Variants in ZFPM2 observed in about 807,000 individuals in gnomAD.
ZFPM2 encodes zinc finger protein ZFPM2.
ZFPM2 carries 20 observed loss-of-function variants against 98.6 expected under a neutral mutation model. The observed-to-expected ratio is 0.20, with a 90% CI of 0.14 to 0.29. The LOEUF (loss-of-function observed/expected upper bound fraction) is 0.29, where lower values mean the gene tolerates loss of function less well. Among genes scored for constraint, ZFPM2 ranks in the 10% least tolerant of loss-of-function variants. The probability of loss-of-function intolerance (pLI) is 1.00; values close to 1 mark genes in which losing one functional copy is unlikely to be tolerated. For synonymous variants in ZFPM2, 518 were observed against 502.7 expected (o/e 1.03, Z -0.41); for missense variants, 1,310 against 1,388.6 (o/e 0.94, Z 0.90).
chr8:105,422,259 G>A (rs958419019), intron 2 of ZFPM2, among the ~76,000 whole-genome samples: 8 of 151,468 alleles, frequency 5.3e-5, no homozygotes, highest in East Asian at 2.0e-4. Context: ...CCAATGTGGC[G>A]AAACCCCATC....
chr8:105,610,532 A>G (rs1323166640), intron 4 of ZFPM2, among the ~76,000 whole-genome samples: 3 of 152,172 alleles, frequency 2.0e-5, no homozygotes, highest in African/African-American at 4.8e-5. Context: ...ACTAGCTAAC[A>G]ATGCTAGAGG....
intron 5 of ZFPM2, among the ~76,000 whole-genome samples, chr8:105,683,534 G>A (rs1810660419): frequency 6.6e-6 from 1 of 152,032 alleles, no homozygotes; most frequent in Non-Finnish European, 1.5e-5. Context: ...TGATGTGTGT[G>A]TGCACAAGCA....
chr8:105,409,725 C>G (rs968010398), intron 1 of ZFPM2, among the ~76,000 whole-genome samples: 1 of 151,924 alleles, frequency 6.6e-6, no homozygotes, highest in Non-Finnish European at 1.5e-5. Flanking sequence ...TGTTCTCAAA[C>G]TTGAGCATAC....
At chr8:105,548,484 C>A (rs1814764619) in intron 3 of ZFPM2, among the ~76,000 whole-genome samples, 1 of 151,816 alleles carries the variant, frequency 6.6e-6, no homozygotes, top group African/African-American at 2.4e-5. Context: ...TTTTTTACAA[C>A]AAATTCCAGC....
At chr8:105,512,382 C>G (rs1364761304) in intron 3 of ZFPM2, among the ~76,000 whole-genome samples, 4 of 152,074 alleles carry the variant, frequency 2.6e-5, no homozygotes, top group Non-Finnish European at 2.9e-5. Context: ...ATGAGTACCC[C>G]CAACAGACTT....
At chr8:105,695,872 A>G (rs1233713194) in intron 5 of ZFPM2, among the ~76,000 whole-genome samples, 1 of 151,502 alleles carries the variant, frequency 6.6e-6, no homozygotes, top group African/African-American at 2.4e-5. Context: ...TAGAAATGAG[A>G]AAAAAGAGTG....
chr8:105,640,412 A>G (rs1239403039), intron 5 of ZFPM2, among the ~76,000 whole-genome samples: 1 of 152,082 alleles, frequency 6.6e-6, no homozygotes, highest in East Asian at 1.9e-4. Context: ...GACCACAGCA[A>G]TTTCAAATCA....
chr8:105,659,735 G>A (rs1817352409), intron 5 of ZFPM2, among the ~76,000 whole-genome samples: 1 of 152,064 alleles, frequency 6.6e-6, no homozygotes, highest in Non-Finnish European at 1.5e-5. Flanking sequence ...ATAGAATTAT[G>A]TTTTTTATTT....
intron 5 of ZFPM2, chr8:105,679,120 GTA>G (rs1472036298): frequency 6.6e-6 from 1 of 152,160 alleles, no homozygotes; most frequent in Non-Finnish European, 1.5e-5. Flanking sequence ...TGAGTTGATA[GTA>G]TACTTTCTAT....
chr8:105,596,003 G>GAA (rs34732263), intron 4 of ZFPM2, among the ~76,000 whole-genome samples: 164 of 131,930 alleles, frequency 1.2e-3, no homozygotes, highest in Admixed American at 3.7e-3. Context: ...CCTTTTATCT[G>GAA]AAAAAAAAAA....
intron 3 of ZFPM2, among the ~76,000 whole-genome samples, chr8:105,519,857 A>G (rs1345644657): frequency 6.6e-6 from 1 of 151,654 alleles, no homozygotes; most frequent in East Asian, 1.9e-4. Flanking sequence ...GTGATTTTGT[A>G]TATTTTGATT....
intron 5 of ZFPM2, among the ~76,000 whole-genome samples, chr8:105,785,691 C>A (rs1813394536): frequency 6.6e-6 from 1 of 150,386 alleles, no homozygotes; most frequent in Non-Finnish European, 1.5e-5. Context: ...ATTGCTTGAG[C>A]CCGGGAGTTC....
Position 105,802,494 on chromosome 8 carries a change from G to A in ZFPM2, c.2412G>A (p.Thr804=). 1 of 1,612,472 alleles carries A rather than the reference G, an allele frequency of 6.2e-7. No homozygotes were observed. Among genetic ancestry groups the A allele is most frequent in the Non-Finnish European group, 8.5e-7 (1 of 1,179,258 alleles). Residue 804 remains threonine, a synonymous_variant, in exon 8 of 8, where the codon ACG becomes ACA. Coordinates refer to ENST00000407775, the MANE Select transcript of ZFPM2 (RefSeq NM_012082.4). ...IVSKHLETSL[T]INKCVPVSKC... The stretch of plus-strand genomic sequence containing the variant: ...CTAAACACTTGGAAACTTCTCTGAC[G>A]ATCAACAAGTGTGTTCCAGTTTCCA...
intron 4 of ZFPM2, among the ~76,000 whole-genome samples, chr8:105,580,950 T>C (rs1392007581): frequency 6.6e-6 from 1 of 151,788 alleles, no homozygotes; most frequent in Non-Finnish European, 1.5e-5. Flanking sequence ...ACAATGAAAA[T>C]TACATTGTTA....
chr8:105,765,974 A>G (rs1812844312), intron 5 of ZFPM2, among the ~76,000 whole-genome samples: 1 of 151,946 alleles, frequency 6.6e-6, no homozygotes, highest in African/African-American at 2.4e-5. Flanking sequence ...GTAAAAATTT[A>G]GCTAAAATCT....
At chr8:105,722,320 T>G (rs2130997662) in intron 5 of ZFPM2, among the ~76,000 whole-genome samples, 1 of 152,006 alleles carries the variant, frequency 6.6e-6, no homozygotes, top group South Asian at 2.1e-4. Flanking sequence ...ATTCTTTGGA[T>G]CTTTGTTTCT....
intron 1 of ZFPM2, among the ~76,000 whole-genome samples, chr8:105,412,930 G>C (rs1209165922): frequency 1.3e-5 from 2 of 151,808 alleles, no homozygotes; most frequent in Non-Finnish European, 2.9e-5. Context: ...GAACTACTAA[G>C]AGCCACAAGA....
intron 3 of ZFPM2, among the ~76,000 whole-genome samples, chr8:105,492,534 T>C (rs1341354030): frequency 3.3e-5 from 5 of 152,138 alleles, no homozygotes; most frequent in Non-Finnish European, 7.4e-5. Flanking sequence ...GAGGGAAAAT[T>C]GCCCTACACA....
Position 105,444,309 on chromosome 8 carries a change from G to C in ZFPM2, c.229G>C (p.Glu77Gln). The C allele has an allele frequency of 1.9e-6, 3 of 1,611,948 alleles. No individual in the cohort carries two copies. Among genetic ancestry groups the C allele is most frequent in the Non-Finnish European group, 2.5e-6 (3 of 1,179,016 alleles). Residue 77 changes from glutamate to glutamine, a missense_variant, in exon 3 of 8, where the codon GAA (glutamate) becomes CAA (glutamine). Physicochemically the swap from Glu to Gln is conservative, Grantham distance 29. Coordinates refer to ENST00000407775, the MANE Select transcript of ZFPM2 (RefSeq NM_012082.4). ...TGATGAAGGAATCCAGGAGACAGCA[G>C]AATCAGATGGGGACACACAGTCAGA... ...GDDEGIQETA[E>Q]SDGDTQSEKP...
Sources: allele counts gnomAD v4.1 joint callset (sites outside exome capture counted in the v4.1 genomes callset), GRCh38; gene constraint gnomAD v4.1.1; transcripts MANE v1.5; gene names NCBI Gene and HGNC (gene_info 2026-07-23, HGNC 2026-07-21).